Variants in TMEM39B observed in about 807,000 individuals in gnomAD.
TMEM39B encodes the protein transmembrane protein 39B.
TMEM39B carries 23 observed loss-of-function variants against 52.2 expected under a neutral mutation model. The observed-to-expected ratio is 0.44, with a 90% CI of 0.32 to 0.62. TMEM39B has a LOEUF of 0.62. TMEM39B is among the 20% of genes least tolerant of loss of function. The pLI, the probability that TMEM39B is intolerant of heterozygous loss-of-function variation, is 0.06. For synonymous variants in TMEM39B, 285 were observed against 264.0 expected (o/e 1.08, Z -0.77); for missense variants, 547 against 642.0 (o/e 0.85, Z 1.60).
chr1:32,074,958 A>G lies in TMEM39B; in HGVS notation c.12A>G (p.Arg4=). 1 of 1,551,156 alleles carries G rather than the reference A, an allele frequency of 6.4e-7. No individual in the cohort carries two copies. The highest frequency in any genetic ancestry group is 2.0e-5 in the Admixed American group (1 of 50,910). The change falls in exon 2 of 9, where the codon CGA becomes CGG. Residue 4 remains arginine (R), a synonymous_variant. Transcript: ENST00000336294. ...TTATGTTGAGCCCCACAGGAGGACG[A>G]AGAGGTCCCAACAGGACATCTTACT... MGG[R]RGPNRTSYCR... is the part of the protein sequence containing the mutation.
chr1:32,081,691 C>T (rs546267390), intron 5 of TMEM39B, among the ~76,000 whole-genome samples: 10 of 150,752 alleles, frequency 6.6e-5, no homozygotes, highest in Admixed American at 4.0e-4. Flanking sequence ...GAGGTTGCAG[C>T]GAGCTGAGTT....
chr1:32,102,031 T>C (rs1400825010), intron 8 of TMEM39B, among the ~76,000 whole-genome samples: 2 of 152,042 alleles, frequency 1.3e-5, no homozygotes, highest in Non-Finnish European at 2.9e-5. Context: ...ACCCAGGAGA[T>C]GACATTAAAA....
rs1237532917 is a variant in TMEM39B, at chr1:32,077,318, C to T, written c.590C>T (p.Pro197Leu). 3.1e-6 allele frequency: 5 copies of T among 1,614,116 alleles called. No homozygotes were observed. The highest frequency in any genetic ancestry group is 1.7e-5 in the Admixed American group (1 of 60,018). The change falls in exon 5 of 9, where the codon CCG becomes CTG. Residue 197 changes from proline to leucine, a missense_variant and splice_region_variant. Transcript: ENST00000336294. ...SFLNLLFLCY[P>L]FGMYIPFLQL... ...CTGAACCTCCTGTTCCTCTGCTATC[C>T]GTGAGTACCCCTCACTTCACCCCTC... is the stretch of plus-strand genomic sequence containing the variant.
rs185057964 is a variant in TMEM39B at position 32,102,691 on chromosome 1, G to C, written c.*18G>C. 6.7e-7 allele frequency: 1 copy of C among 1,497,966 alleles called. No homozygotes were observed. Among genetic ancestry groups the C allele is most frequent in the Non-Finnish European group, 8.9e-7 (1 of 1,118,700 alleles). 92.8% of individuals were successfully genotyped at this position (1,497,966 alleles called of 1,614,324 possible). The stretch of plus-strand genomic sequence containing the variant: ...TCTCCTGAGCCCTGGGGTCACCTCA[G>C]GGACAGCGTCCAGGCTTCAGCCAAG... On this transcript the variant is annotated 3_prime_UTR_variant, in exon 9 of 9. Coordinates refer to ENST00000336294, the MANE Select transcript of TMEM39B (RefSeq NM_018056.4).
chr1:32,102,512 C>G lies in TMEM39B; in HGVS notation c.1318C>G (p.Leu440Val). ...TGTCATTGTCTATCAGCTGTACTCC[C>G]TAATGTCCTCTGAAAAGTGGCACCA... ...GAVIVYQLYSLMSSEKWHQTI... is the reference protein window; with the variant it reads ...GAVIVYQLYSVMSSEKWHQTI... Residue 440 changes from leucine (L) to valine (V), a missense_variant, in exon 9 of 9, where the codon CTA becomes GTA. Leu to Val is a conservative substitution (Grantham distance 32). Transcript: ENST00000336294. The G allele has an allele frequency of 4.3e-6, 7 of 1,614,206 alleles. No homozygotes were observed. Among genetic ancestry groups the G allele is most frequent in the Non-Finnish European group, 5.9e-6 (7 of 1,180,032 alleles).
At position 32,094,962 on chromosome 1, in the gene TMEM39B, T is replaced by C. The variant is rs1196687844; in HGVS notation, c.1106T>C (p.Leu369Pro). 1 of 1,613,342 alleles carries C rather than the reference T, an allele frequency of 6.2e-7. No homozygotes were observed. Residue 369 changes from leucine (L) to proline (P), a missense_variant, in exon 7 of 9, where the codon CTG becomes CCG. By Grantham distance (98) the Leu-to-Pro change is moderately conservative (BLOSUM62 -3). Transcript: ENST00000336294. ...KVDPALCSNV[L>P]QHPWTEECMW... ...GACCCAGCGCTGTGCTCCAACGTGC[T>C]GCAGCACCCGTGAGTCACCCTACCC...
chr1:32,073,736 A>G lies in TMEM39B; in HGVS notation c.4+685A>G, dbSNP rs897799812. ...CAGAGCTCTTCGCCAGGTACTTTTT[A>G]GAGACTTGTGGAGGTTTATAATTTT... On this transcript the variant is annotated intron_variant, in intron 1 of 8. Transcript: ENST00000336294. 3 of 985,124 alleles carry G rather than the reference A, an allele frequency of 3.0e-6. No individual in the cohort carries two copies. The African/African-American group carries it at 5.3e-5, about 17-fold the overall frequency. 61.0% of individuals were successfully genotyped at this position (985,124 alleles called of 1,614,324 possible). A position where few individuals can be genotyped will look rare whatever the true frequency, so the allele number is the denominator to read the frequency against.
intron 5 of TMEM39B, among the ~76,000 whole-genome samples, chr1:32,085,031 A>T (rs576113414): frequency 2.0e-5 from 3 of 152,114 alleles, no homozygotes; most frequent in South Asian, 4.1e-4. Flanking sequence ...AGCATTGAGG[A>T]ATATTCTGTT....
At chr1:32,077,443 A>G (rs1211666046) in intron 5 of TMEM39B, 125 bp downstream of exon 5, 6 of 1,213,710 alleles carry the variant, frequency 4.9e-6, no homozygotes, top group African/African-American at 4.5e-5. Context: ...ATCCTCTCAC[A>G]TTGTCAGATG....
intron 1 of TMEM39B, chr1:32,073,665 A>G: frequency 1.0e-6 from 1 of 985,762 alleles, no homozygotes; most frequent in Non-Finnish European, 1.2e-6. Context: ...TAAGCCAAGT[A>G]TAACAGCGTA....
At chr1:32,075,879 T>G in intron 3 of TMEM39B, 57 bp downstream of exon 3, 1 of 1,177,634 alleles carries the variant, frequency 8.5e-7, no homozygotes, top group South Asian at 1.5e-5. Context: ...TGTGTGTATG[T>G]GTGTGTGTGT....
At chr1:32,076,947 T>C (rs1445218946) in intron 4 of TMEM39B, 101 bp downstream of exon 4, 3 of 1,413,058 alleles carry the variant, frequency 2.1e-6, no homozygotes, top group African/African-American at 1.4e-5. Context: ...GGGTATTTCC[T>C]TGGGGCTCCC....
chr1:32,079,185 CTT>C (rs763260333), intron 5 of TMEM39B, among the ~76,000 whole-genome samples: 16 of 129,132 alleles, frequency 1.2e-4, no homozygotes, highest in Admixed American at 1.6e-4. Context: ...CTATTTCTTT[CTT>C]TTTTTTTTTT....
intron 7 of TMEM39B, 84 bp downstream of exon 7, chr1:32,095,055 T>C (rs982701686): frequency 1.8e-5 from 26 of 1,459,660 alleles, no homozygotes; most frequent in Middle Eastern, 2.1e-4. Context: ...GATTAACTTA[T>C]TTAGTTAGCA....
At chr1:32,090,784 C>T (rs1453513426) in intron 5 of TMEM39B, among the ~76,000 whole-genome samples, 4 of 152,070 alleles carry the variant, frequency 2.6e-5, no homozygotes, top group East Asian at 1.9e-4. Flanking sequence ...GGACTACAGG[C>T]GCCCGCCACC....
At chr1:32,095,845 C>G (rs1640788503) in intron 7 of TMEM39B, 1 of 152,220 alleles carries the variant, frequency 6.6e-6, no homozygotes, top group African/African-American at 2.4e-5. Context: ...CAGTCAGGGT[C>G]CCTTTCAGGC....
chr1:32,089,402 G>A (rs951442807), intron 5 of TMEM39B, among the ~76,000 whole-genome samples: 1 of 151,844 alleles, frequency 6.6e-6, no homozygotes, highest in East Asian at 1.9e-4. Flanking sequence ...GAAGTGCTGG[G>A]ATTACAGGTT....
chr1:32,084,623 GCAATGACA>G (rs1218695815), intron 5 of TMEM39B, among the ~76,000 whole-genome samples: 1 of 151,938 alleles, frequency 6.6e-6, no homozygotes, highest in Non-Finnish European at 1.5e-5. Flanking sequence ...AGGGTGGAGT[GCAATGACA>G]CGATCTCAGC....
At chr1:32,073,972 C>T in intron 1 of TMEM39B, 3 of 845,358 alleles carry the variant, frequency 3.5e-6, no homozygotes, top group Non-Finnish European at 4.3e-6. Flanking sequence ...TGGTCTCCAA[C>T]TCCTGGTCTC....
Sources: gnomAD v4.1 joint callset for allele counts (sites outside exome capture counted in the v4.1 genomes callset) on GRCh38, gnomAD v4.1.1 for gene constraint, MANE v1.5 for transcripts, NCBI Gene and HGNC (gene_info 2026-07-23, HGNC 2026-07-21) for gene names.